Variants in POU5F1B observed in about 807,000 individuals in gnomAD.
The protein encoded by POU5F1B is POU domain, class 5, transcription factor 1B.
Under a neutral mutation model 28.1 loss-of-function variants are expected in POU5F1B, and 24 were observed. That is an observed-to-expected ratio of 0.85 (90% confidence interval 0.62 to 1.20). The LOEUF (loss-of-function observed/expected upper bound fraction) is 1.20. Ranked by LOEUF, POU5F1B falls within the 50% of genes most tolerant of loss-of-function variation. The pLI is 0.00. For synonymous variants in POU5F1B, 220 were observed against 193.2 expected, an observed-to-expected ratio of 1.14 and a Z score of -1.15; for missense variants, 451 against 451.5, an observed-to-expected ratio of 1.00 and a Z score of 0.01.
exon 3 of POU5F1B, chr8:127,415,937 G>A: frequency 6.4e-7 from 1 of 1,559,450 alleles, no homozygotes; most frequent in Non-Finnish European, 8.7e-7. Context: ...GGGCCATGGG[G>A]GGCGGAGCCG....
intron 1 of POU5F1B, among the ~76,000 whole-genome samples, chr8:127,413,859 C>T (rs988514972): frequency 2.1e-5 from 3 of 145,266 alleles, no homozygotes; most frequent in African/African-American, 8.2e-5. Flanking sequence ...AAAGGTGGTA[C>T]ACACACACAC....
rs755456031 is a variant in POU5F1B, at chr8:127,416,040, G to A, written c.174G>A (p.Trp58Ter). 4 of 1,606,962 alleles carry A rather than the reference G, an allele frequency of 2.5e-6. No individual in the cohort carries two copies. The highest frequency in any genetic ancestry group is 2.2e-5 in the South Asian group (2 of 89,986). The change falls in exon 3 of 3, where the codon TGG (tryptophan) becomes TGA (stop). Residue 58 changes from tryptophan (W) to a stop codon, truncating the protein, a stop_gained. Transcript: ENST00000465342. LOFTEE classifies it high-confidence loss of function. ...GGGTTGGGCCAGGCTCTGAGGTGTGGGGGATTCCCCCTTGCCCCCCGCCGT... is the reference window on the plus strand; with the variant it reads ...GGGTTGGGCCAGGCTCTGAGGTGTGAGGGATTCCCCCTTGCCCCCCGCCGT...
At chr8:127,416,065 T>C (rs1815130533) in exon 3 of POU5F1B, 1 of 1,611,920 alleles carries the variant, frequency 6.2e-7, no homozygotes, top group African/African-American at 1.3e-5. Context: ...CCCCCCGCCG[T>C]ATGAGTTATG....
chr8:127,416,423 G>A (rs1398049742), exon 3 of POU5F1B: 2 of 1,608,032 alleles, frequency 1.2e-6, no homozygotes, highest in South Asian at 1.1e-5. Context: ...ACCATCTGCC[G>A]CTTTGAGGCT....
At chr8:127,415,516 T>C in exon 3 of POU5F1B, 1 of 246,462 alleles carries the variant, frequency 4.1e-6, no homozygotes, top group Non-Finnish European at 7.7e-6. Flanking sequence ...ATGAAGAATC[T>C]AGCATCATGG....
At chr8:127,415,514 T>C (rs1402205711) in exon 3 of POU5F1B, 1 of 242,730 alleles carries the variant, frequency 4.1e-6, no homozygotes, top group African/African-American at 2.3e-5. Context: ...CCATGAAGAA[T>C]CTAGCATCAT....
At chr8:127,414,165 A>G (rs1815099050) in intron 1 of POU5F1B, among the ~76,000 whole-genome samples, 1 of 152,222 alleles carries the variant, frequency 6.6e-6, no homozygotes, top group African/African-American at 2.4e-5. Flanking sequence ...AAGCATGAGA[A>G]TTTGAGCAAG....
intron 1 of POU5F1B, among the ~76,000 whole-genome samples, chr8:127,413,580 G>A (rs952097830): frequency 1.6e-4 from 24 of 152,142 alleles, no homozygotes; most frequent in African/African-American, 5.3e-4. Flanking sequence ...ATAGTCAAAC[G>A]AGTAGACGTT....
At chr8:127,415,985 G>C (rs777622917) in exon 3 of POU5F1B, 3 of 1,585,916 alleles carry the variant, frequency 1.9e-6, no homozygotes, top group Non-Finnish European at 2.6e-6. Flanking sequence ...AGCTTCCAAG[G>C]CCCTCCTGGA....
chr8:127,416,700 T>G (rs1395232389), exon 3 of POU5F1B: 1 of 1,609,032 alleles, frequency 6.2e-7, no homozygotes, highest in African/African-American at 1.3e-5. Context: ...TGTGGTTCTG[T>G]AACCGGCGCC....
Position 127,416,828 on chromosome 8 carries a change from C to G in POU5F1B, c.962C>G (p.Thr321Ser), listed in dbSNP as rs371019833. The G allele has an allele frequency of 5.0e-6, 8 of 1,603,978 alleles. No individual in the cohort carries two copies. Among genetic ancestry groups the G allele is most frequent in the East Asian group, 4.5e-5 (2 of 44,662 alleles). The change falls in exon 3 of 3, where the codon ACC becomes AGC. Residue 321 changes from threonine to serine, a missense_variant. Around this residue, in one of 3 missense-constraint regions of POU5F1B, gnomAD observed 213 missense variants for 220.4 expected, o/e 0.97. Coordinates refer to ENST00000465342, the Ensembl canonical transcript of POU5F1B. ...CCGGCCCCAGGGCCCCATTTTGGTA[C>G]CCCAGGCTATGGGAGCCCTCACTTC...
Position 127,416,190 on chromosome 8 carries a change from T to A in POU5F1B, c.324T>A (p.Asn108Lys). The change falls in exon 3 of 3, where the codon AAT becomes AAA. Residue 108 changes from asparagine to lysine, a missense_variant. This residue lies in a region of POU5F1B where 233 missense variants were observed against 210.7 expected (regional missense o/e 1.11). Coordinates refer to ENST00000465342, the Ensembl canonical transcript of POU5F1B. ...GAGTCGGGGTGGAGAGCAACTCCAA[T>A]GGGGCCTCCCCGGAACCCTGCACCG... is the stretch of plus-strand genomic sequence containing the variant. 6.2e-7 allele frequency: 1 copy of A among 1,613,818 alleles called. No homozygotes were observed. The highest frequency in any genetic ancestry group is 1.1e-5 in the South Asian group (1 of 91,060).
chr8:127,416,230 G>C, exon 3 of POU5F1B: 1 of 1,613,836 alleles, frequency 6.2e-7, no homozygotes, highest in Non-Finnish European at 8.5e-7. Context: ...CCCTGGTGCC[G>C]TGAAGCTGGA....
At chr8:127,416,192 G>C (rs1275848689) in exon 3 of POU5F1B, 2 of 1,613,754 alleles carry the variant, frequency 1.2e-6, no homozygotes, top group Middle Eastern at 1.7e-4. Flanking sequence ...AACTCCAATG[G>C]GGCCTCCCCG....
chr8:127,416,590 A>G, exon 3 of POU5F1B: 2 of 1,603,028 alleles, frequency 1.2e-6, no homozygotes, highest in Non-Finnish European at 1.7e-6. Context: ...GAACCGAGTG[A>G]GAGGCAACCT....
chr8:127,415,127 T>C (rs4276648), intron 2 of POU5F1B: 77,154 of 152,088 alleles, frequency 0.51, 21,426 homozygotes, highest in East Asian at 0.64. Flanking sequence ...AATACCCTTA[T>C]CCAGGATACC....
exon 3 of POU5F1B, chr8:127,417,094 G>A (rs1206139773): frequency 8.7e-7 from 1 of 1,152,368 alleles, no homozygotes; most frequent in African/African-American, 1.5e-5. Flanking sequence ...GGGGAGTTTG[G>A]GGCAACTGGT....
intron 1 of POU5F1B, among the ~76,000 whole-genome samples, chr8:127,414,038 A>T (rs942007849): frequency 6.6e-6 from 1 of 152,248 alleles, no homozygotes; most frequent in Non-Finnish European, 1.5e-5. Context: ...TCACAACAGA[A>T]TTGAGCAGAA....
rs1012061431 is a variant in POU5F1B, at chr8:127,416,124, C to T, written c.258C>T (p.Pro86=). 5 of 1,613,326 alleles carry T rather than the reference C, an allele frequency of 3.1e-6. No individual in the cohort carries two copies. The African/African-American group carries it at 4.0e-5, about 13-fold the overall frequency. Residue 86 remains proline (P), a synonymous_variant, in exon 3 of 3, where the codon CCC becomes CCT. Transcript: ENST00000465342. ...CTCAGGTTGGAGTGGGGCTAGTGCCCCAAGGCGGCTTGGAGACCTCTCAGC... is the reference window on the plus strand; with the variant it reads ...CTCAGGTTGGAGTGGGGCTAGTGCCTCAAGGCGGCTTGGAGACCTCTCAGC...
Sources: gnomAD v4.1 joint callset for allele counts (sites outside exome capture counted in the v4.1 genomes callset) on GRCh38, gnomAD v4.1.1 for gene constraint, gnomAD v4.1.1 regional missense constraint, MANE v1.5 for transcripts, NCBI Gene and HGNC (gene_info 2026-07-23, HGNC 2026-07-21) for gene names.